The following LYPD8 variants were observed in gnomAD, a reference collection of about 807,000 sequenced individuals.
LYPD8 encodes the protein LY6/PLAUR domain containing 8, also known as ly6/PLAUR domain-containing protein 8.
LYPD8 carries 8 observed loss-of-function variants against 1.7 expected under a neutral mutation model. The ratio of observed to expected loss-of-function variants is 4.58; its 90% CI spans 2.69 to 8.27. The LOEUF (loss-of-function observed/expected upper bound fraction) is 8.27, where lower values mean the gene tolerates loss of function less well. Ranked by LOEUF, LYPD8 falls within the 30% of genes most tolerant of loss-of-function variation. The probability of loss-of-function intolerance (pLI) is 0.00; values close to 1 mark genes in which losing one functional copy is unlikely to be tolerated. For synonymous variants in LYPD8, 50 were observed against 43.6 expected, an observed-to-expected ratio of 1.15 and a Z score of -0.58; for missense variants, 112 against 102.3, an observed-to-expected ratio of 1.09 and a Z score of -0.41.
intron 2 of LYPD8, among the ~76,000 whole-genome samples, chr1:248,753,068 CCCACACACCCCACACCACACT>C (rs1662847127): frequency 9.2e-6 from 1 of 108,606 alleles, no homozygotes; most frequent in African/African-American, 4.4e-5. Context: ...CCCCACACAC[CCCACACACCCCACACCACACT>C]ACACACACAC....
intron 5 of LYPD8, among the ~76,000 whole-genome samples, chr1:248,745,891 AC>A (rs1437206135): frequency 6.6e-6 from 1 of 152,220 alleles, no homozygotes; most frequent in Non-Finnish European, 1.5e-5. Context: ...TCATGATAAT[AC>A]TAAAATATTA....
At chr1:248,752,766 CACCCCACACA>C (rs2103172526) in intron 2 of LYPD8, among the ~76,000 whole-genome samples, 2 of 133,498 alleles carry the variant, frequency 1.5e-5, no homozygotes, top group Admixed American at 7.5e-5. Flanking sequence ...ACACACCACA[CACCCCACACA>C]ACACACACCA....
intron 2 of LYPD8, among the ~76,000 whole-genome samples, chr1:248,753,828 A>T (rs1264355659): frequency 2.1e-5 from 3 of 144,822 alleles, no homozygotes; most frequent in Non-Finnish European, 4.5e-5. Context: ...ACCACATAAC[A>T]TCACATGTCA....
chr1:248,739,861 A>G lies in LYPD8; in HGVS notation c.476-12T>C, dbSNP rs1358304668. On this transcript the variant is annotated splice_polypyrimidine_tract_variant and intron_variant, in intron 6 of 6. Coordinates refer to ENST00000590317, the MANE Select transcript of LYPD8 (RefSeq NM_001085474.2). This position sits in a 1 kb window ranked among gnomAD's most constrained non-coding sequence, Gnocchi z 4.3. ...CTTAGACTCAATGTCTGTGAATGCAAAGGAGACAGGAGGGACGCCACTCAG... is the reference window on the plus strand; with the variant it reads ...CTTAGACTCAATGTCTGTGAATGCAGAGGAGACAGGAGGGACGCCACTCAG... 3 of 1,551,520 alleles carry G rather than the reference A, an allele frequency of 1.9e-6. No individual in the cohort carries two copies. In the Admixed American group the frequency reaches 5.9e-5, roughly 30 times the overall value.
chr1:248,749,881 A>G (rs1662768011), intron 4 of LYPD8, among the ~76,000 whole-genome samples: 1 of 152,104 alleles, frequency 6.6e-6, no homozygotes, highest in South Asian at 2.1e-4. Flanking sequence ...GTATATTTAT[A>G]TAATGTTTAA....
chr1:248,744,564 C>A, intron 6 of LYPD8, among the ~76,000 whole-genome samples: 1 of 151,978 alleles, frequency 6.6e-6, no homozygotes, highest in Non-Finnish European at 1.5e-5. Context: ...GTGGATCTCA[C>A]AATGGGTAGC....
chr1:248,740,575 G>A (rs1662573492), intron 6 of LYPD8, among the ~76,000 whole-genome samples: 1 of 152,242 alleles, frequency 6.6e-6, no homozygotes, highest in Admixed American at 6.5e-5. Context: ...ACCTCACAGA[G>A]GCCAAGGGAC....
intron 4 of LYPD8, among the ~76,000 whole-genome samples, chr1:248,749,685 A>G (rs1225043819): frequency 1.3e-5 from 2 of 152,174 alleles, no homozygotes; most frequent in Admixed American, 6.5e-5. Flanking sequence ...TCACTTCTGA[A>G]TGGTCCCACC....
intron 3 of LYPD8, 145 bp downstream of exon 3, chr1:248,750,885 A>G: frequency 2.5e-6 from 1 of 397,944 alleles, no homozygotes; most frequent in Non-Finnish European, 4.4e-6. Context: ...TGGCCCCTTC[A>G]AAGCAGGCTG....
chr1:248,753,200 CCCACACAACACACACACCACA>C (rs1662853587), intron 2 of LYPD8, among the ~76,000 whole-genome samples: 1 of 107,200 alleles, frequency 9.3e-6, no homozygotes, highest in East Asian at 3.8e-4. Flanking sequence ...CACATCACAC[CCCACACAACACACACACCACA>C]CCACACACAC....
chr1:248,742,054 A>G (rs1553283406), intron 6 of LYPD8, among the ~76,000 whole-genome samples: 1 of 152,232 alleles, frequency 6.6e-6, no homozygotes, highest in Non-Finnish European at 1.5e-5. Context: ...ACATTTGTCC[A>G]AACTCATGGA....
intron 4 of LYPD8, 46 bp downstream of exon 4, chr1:248,750,478 C>T (rs989995975): frequency 1.0e-5 from 4 of 398,426 alleles, no homozygotes; most frequent in African/African-American, 4.1e-5. Flanking sequence ...AGCTCCCTCC[C>T]GGTGCAAGCC....
Position 248,745,255 on chromosome 1 carries a change from CT to C in LYPD8, c.361del (p.Ser121AlafsTer32), listed in dbSNP as rs1292857275. 6 of 398,478 alleles carry C rather than the reference CT, an allele frequency of 1.5e-5. No homozygotes were observed. The highest frequency in any genetic ancestry group is 2.7e-5 in the Non-Finnish European group (6 of 226,080). The allele number at this position is 398,478 out of a possible 1,614,324, so 24.7% of individuals were successfully genotyped here. Reference sequence around the variant, plus strand: ...ATAACAAGCAGGGCACTCTGCGTTGCTGGACACGTTCTTCAGGGGAGGGTCT... The same window carrying C: ...ATAACAAGCAGGGCACTCTGCGTTGCGGACACGTTCTTCAGGGGAGGGTCT... The part of the protein sequence containing the change: ...ALDPPLKNVS[S>X]NAECPACYES... On this transcript the variant is annotated frameshift_variant, in exon 6 of 7. Coordinates refer to ENST00000590317, the MANE Select transcript of LYPD8 (RefSeq NM_001085474.2). LOFTEE classifies it high-confidence loss of function.
chr1:248,748,600 C>T (rs1417638697), intron 4 of LYPD8, 147 bp from the exon 5 acceptor site: 4 of 393,384 alleles, frequency 1.0e-5, no homozygotes, highest in Admixed American at 8.9e-5. Context: ...GAGGGTTTTC[C>T]GGAAAAAATA....
chr1:248,752,761 C>A (rs1226658814), intron 2 of LYPD8, among the ~76,000 whole-genome samples: 4 of 108,226 alleles, frequency 3.7e-5, no homozygotes, highest in African/African-American at 7.0e-5. Flanking sequence ...CCCACACACA[C>A]CACACACCCC....
At chr1:248,746,275 C>G (rs1662724766) in intron 5 of LYPD8, among the ~76,000 whole-genome samples, 1 of 152,142 alleles carries the variant, frequency 6.6e-6, no homozygotes, top group Non-Finnish European at 1.5e-5. Context: ...AGAGTCTTAA[C>G]AGAGGGCCTG....
intron 5 of LYPD8, among the ~76,000 whole-genome samples, chr1:248,746,425 G>C (rs1249864423): frequency 2.0e-5 from 3 of 152,232 alleles, no homozygotes; most frequent in Non-Finnish European, 4.4e-5. Flanking sequence ...ATTGCTGTAA[G>C]TCCGATGTTA....
intron 6 of LYPD8, among the ~76,000 whole-genome samples, chr1:248,742,811 C>G (rs1338453571): frequency 1.7e-5 from 1 of 57,818 alleles, no homozygotes; most frequent in African/African-American, 1.3e-4. Context: ...TGTTGGCAGC[C>G]AGGGAGATTA....
At chr1:248,741,908 T>C (rs1478066834) in intron 6 of LYPD8, among the ~76,000 whole-genome samples, 2 of 152,190 alleles carry the variant, frequency 1.3e-5, no homozygotes, top group East Asian at 3.8e-4. Flanking sequence ...GGCAAAACTC[T>C]GGAGGCAATA....
Sources: allele counts gnomAD v4.1 joint callset (sites outside exome capture counted in the v4.1 genomes callset), GRCh38; gene constraint gnomAD v4.1.1; non-coding constraint Gnocchi (gnomAD v3.1); transcripts MANE v1.5; gene names NCBI Gene and HGNC (gene_info 2026-07-23, HGNC 2026-07-21).